GPM6A: variants seen among roughly 807,000 people sequenced by gnomAD.
GPM6A encodes neuronal membrane glycoprotein M6-a.
Under a neutral mutation model 32.1 loss-of-function variants are expected in GPM6A, and 7 were observed. The ratio of observed to expected loss-of-function variants is 0.22; its 90% CI spans 0.12 to 0.41. The LOEUF is 0.41. Ranked by LOEUF, GPM6A falls within the 10% of genes least tolerant of loss-of-function variation. GPM6A has a pLI of 1.00. For synonymous variants in GPM6A, 130 were observed against 123.4 expected (o/e 1.05, Z -0.35); for missense variants, 235 against 347.2 (o/e 0.68, Z 2.57).
At chr4:175,775,419 C>A (rs978829893) in intron 1 of GPM6A, among the ~76,000 whole-genome samples, 7 of 152,078 alleles carry the variant, frequency 4.6e-5, no homozygotes, top group Admixed American at 3.9e-4. Flanking sequence ...TCATGCCCAA[C>A]AAAATGGATG....
intron 1 of GPM6A, among the ~76,000 whole-genome samples, chr4:175,761,485 C>T (rs1177850196): frequency 6.6e-6 from 1 of 152,110 alleles, no homozygotes; most frequent in African/African-American, 2.4e-5. Flanking sequence ...TAACCTAATG[C>T]TATAAAATAC....
chr4:175,936,334 A>AAAAAAAAC (rs869208143), intron 1 of GPM6A, among the ~76,000 whole-genome samples: 1 of 145,130 alleles, frequency 6.9e-6, no homozygotes, highest in Non-Finnish European at 1.5e-5. Context: ...AAAAAAAAAA[A>AAAAAAAAC]AACTATACAT....
chr4:175,787,472 A>G, intron 1 of GPM6A: 3 of 1,496,352 alleles, frequency 2.0e-6, no homozygotes, highest in Non-Finnish European at 8.9e-7. Flanking sequence ...TTTTTTCTAA[A>G]TTGTTTTTTT....
intron 1 of GPM6A, among the ~76,000 whole-genome samples, chr4:175,838,274 C>G (rs571703680): frequency 1.3e-4 from 19 of 150,938 alleles, no homozygotes; most frequent in African/African-American, 4.6e-4. Flanking sequence ...TTTTCTCTTA[C>G]CCTCATGGAA....
intron 1 of GPM6A, among the ~76,000 whole-genome samples, chr4:175,893,174 AT>A (rs1490615509): frequency 1.3e-5 from 2 of 152,142 alleles, no homozygotes; most frequent in Non-Finnish European, 2.9e-5. Context: ...AGGTTCTCTT[AT>A]TTTGAATCAA....
intron 1 of GPM6A, among the ~76,000 whole-genome samples, chr4:175,967,885 G>A (rs1262277799): frequency 2.0e-5 from 3 of 152,012 alleles, no homozygotes; most frequent in African/African-American, 7.2e-5. Context: ...CTAAATCTCA[G>A]CCAATTATTT....
chr4:175,708,254 T>A (rs1015557206), intron 1 of GPM6A, among the ~76,000 whole-genome samples: 1 of 152,104 alleles, frequency 6.6e-6, no homozygotes, highest in Non-Finnish European at 1.5e-5. Flanking sequence ...GGAATATCAG[T>A]TTCAATTTCT....
chr4:175,837,460 T>C (rs28689796), intron 1 of GPM6A, among the ~76,000 whole-genome samples: 52,270 of 152,104 alleles, frequency 0.34, 9,059 homozygotes, highest in African/African-American at 0.37. Context: ...CAGAGAGACC[T>C]GCTAGAGAGC....
intron 1 of GPM6A, among the ~76,000 whole-genome samples, chr4:175,954,289 C>T (rs191250184): frequency 2.0e-5 from 3 of 152,318 alleles, no homozygotes; most frequent in South Asian, 4.1e-4. Context: ...AGATCTAGAA[C>T]GTTTTCATCA....
chr4:175,923,297 G>T (rs1223918136), intron 1 of GPM6A, among the ~76,000 whole-genome samples: 1 of 145,846 alleles, frequency 6.9e-6, no homozygotes, highest in Non-Finnish European at 1.5e-5. Flanking sequence ...TTTTTCTTTA[G>T]AAGAATATTT....
intron 1 of GPM6A, among the ~76,000 whole-genome samples, chr4:175,956,089 C>T (rs1424654478): frequency 2.0e-5 from 3 of 152,172 alleles, no homozygotes; most frequent in African/African-American, 4.8e-5. Flanking sequence ...CGCCATAGTG[C>T]ACGTGCGTCG....
chr4:175,813,882 A>T (rs1735021162), upstream of GPM6A, among the ~76,000 whole-genome samples: 1 of 152,236 alleles, frequency 6.6e-6, no homozygotes, highest in African/African-American at 2.4e-5. Flanking sequence ...TTGTCCAAAA[A>T]TAACTGGAGT....
chr4:175,749,135 G>A (rs1450672317), intron 1 of GPM6A, among the ~76,000 whole-genome samples: 1 of 152,024 alleles, frequency 6.6e-6, no homozygotes, highest in African/African-American at 2.4e-5. Context: ...TGTCTTATAT[G>A]AGTATAGTTT....
At chr4:175,842,897 C>A (rs1356719238) in intron 1 of GPM6A, among the ~76,000 whole-genome samples, 1 of 151,734 alleles carries the variant, frequency 6.6e-6, no homozygotes, top group Non-Finnish European at 1.5e-5. Context: ...CATTATTAAT[C>A]CCAATCCTTG....
chr4:175,779,466 A>G (rs1048683732), intron 1 of GPM6A, among the ~76,000 whole-genome samples: 3 of 152,164 alleles, frequency 2.0e-5, no homozygotes, highest in South Asian at 2.1e-4. Flanking sequence ...AATGAATAGC[A>G]TTCATGTGGT....
intron 1 of GPM6A, among the ~76,000 whole-genome samples, chr4:175,921,865 T>C (rs1173975123): frequency 6.6e-6 from 1 of 152,196 alleles, no homozygotes; most frequent in Non-Finnish European, 1.5e-5. Context: ...ATTAGCCTTA[T>C]ACAGCTGGTA....
chr4:175,775,598 G>C (rs1164357869), intron 1 of GPM6A, among the ~76,000 whole-genome samples: 2 of 152,190 alleles, frequency 1.3e-5, no homozygotes, highest in South Asian at 4.1e-4. Context: ...ATTTGATGGA[G>C]CAGAAGGGAA....
chr4:175,751,068 A>G (rs1732316390), intron 1 of GPM6A, among the ~76,000 whole-genome samples: 2 of 152,210 alleles, frequency 1.3e-5, no homozygotes, highest in South Asian at 4.2e-4. Flanking sequence ...TGATATGATC[A>G]GCAGAAGGGG....
chr4:175,822,913 CT>C (rs1358399445), intron 1 of GPM6A, among the ~76,000 whole-genome samples: 17 of 151,956 alleles, frequency 1.1e-4, no homozygotes, highest in Non-Finnish European at 1.9e-4. Flanking sequence ...CTTTTTGATA[CT>C]TTTTATATAG....
Sources: gnomAD v4.1 joint callset for allele counts (sites outside exome capture counted in the v4.1 genomes callset) on GRCh38, gnomAD v4.1.1 for gene constraint, MANE v1.5 for transcripts, NCBI Gene and HGNC (gene_info 2026-07-23, HGNC 2026-07-21) for gene names.